ATXN10: variants seen among roughly 807,000 people sequenced by gnomAD.
ATXN10 encodes the protein ataxin-10.
In ATXN10, 28 loss-of-function variants were observed where a neutral mutation model predicts 52.9. The observed-to-expected ratio is 0.53, with a 90% CI of 0.39 to 0.73. The LOEUF is 0.73. Among genes scored for constraint, ATXN10 ranks in the 30% least tolerant of loss-of-function variants. The pLI, the probability that ATXN10 is intolerant of heterozygous loss-of-function variation, is 0.00. For synonymous variants in ATXN10, 226 were observed against 221.5 expected (o/e 1.02, Z -0.18); for missense variants, 565 against 577.0 (o/e 0.98, Z 0.21).
chr22:45,827,094 T>G (rs529897165), intron 10 of ATXN10, among the ~76,000 whole-genome samples: 1 of 151,742 alleles, frequency 6.6e-6, no homozygotes, highest in Admixed American at 6.6e-5. Context: ...TAGAGTATTA[T>G]AACTTTCGAA....
rs1601634827 is a variant in ATXN10 at position 45,769,669 on chromosome 22, C to T, written c.1173+29131C>T. Reference sequence around the variant, plus strand: ...TTGGTCAAGAAAAGAAGACCAAGGCCGATTCCCTAGGACCTTGAAGCCAGC... The same window carrying T: ...TTGGTCAAGAAAAGAAGACCAAGGCTGATTCCCTAGGACCTTGAAGCCAGC... On this transcript the variant is annotated intron_variant, in intron 9 of 11. Coordinates refer to ENST00000252934, the MANE Select transcript of ATXN10 (RefSeq NM_013236.4). The surrounding 1 kb of genome is among the most constrained non-coding windows in gnomAD (Gnocchi z 4.2). Among the ~76,000 whole-genome samples, 2 of 152,142 alleles carry T rather than the reference C, an allele frequency of 1.3e-5. No homozygotes were observed. Among genetic ancestry groups the T allele is most frequent in the South Asian group, 2.1e-4 (1 of 4,818 alleles).
At position 45,679,809 on chromosome 22, in the gene ATXN10, A is replaced by G. The variant is rs1051655836; in HGVS notation, c.116+7630A>G. 77 of 152,242 alleles carry G rather than the reference A, an allele frequency of 5.1e-4. 1 individual carries two copies. The highest frequency in any genetic ancestry group is 2.1e-4 in the South Asian group (1 of 4,832). The allele number at this position is 152,242 out of a possible 1,614,324, so 9.4% of individuals were successfully genotyped here. On this transcript the variant is annotated intron_variant, in intron 1 of 11. Coordinates refer to ENST00000252934, the MANE Select transcript of ATXN10 (RefSeq NM_013236.4). Reference sequence around the variant, plus strand: ...GAATGCTACATGGAATTGTTTGGTAAGGTGTTCTGACTCAGCTTCAAAATA... The same window carrying G: ...GAATGCTACATGGAATTGTTTGGTAGGGTGTTCTGACTCAGCTTCAAAATA...
chr22:45,687,313 A>G (rs561619347), intron 1 of ATXN10, among the ~76,000 whole-genome samples: 1 of 152,314 alleles, frequency 6.6e-6, no homozygotes, highest in East Asian at 1.9e-4. Context: ...AGTCTGTACC[A>G]TAGTTTGATT....
rs1388133850 is a variant in ATXN10, at chr22:45,672,206, C to T, written c.116+27C>T. On this transcript the variant is annotated intron_variant, in intron 1 of 11. Transcript: ENST00000252934. ...TAACGGGTCCGGCCGGGGGGCTGCCCCGGGCAGGGGAGGGCGGCCGGGACT... is the reference window on the plus strand; with the variant it reads ...TAACGGGTCCGGCCGGGGGGCTGCCTCGGGCAGGGGAGGGCGGCCGGGACT... 4.6e-6 allele frequency: 7 copies of T among 1,511,910 alleles called. No individual in the cohort carries two copies. In the African/African-American group the frequency reaches 5.7e-5, roughly 12 times the overall value. The allele number at this position is 1,511,910 out of a possible 1,614,324, so 93.7% of individuals were successfully genotyped here.
At chr22:45,721,706 C>G (rs1924658083) in intron 6 of ATXN10, among the ~76,000 whole-genome samples, 1 of 152,152 alleles carries the variant, frequency 6.6e-6, no homozygotes, top group Non-Finnish European at 1.5e-5. Flanking sequence ...ATAGAAGGCA[C>G]CATGTAGCCC....
chr22:45,819,423 C>G lies in ATXN10; in HGVS notation c.1237+12401C>G, dbSNP rs916665819. Among the ~76,000 whole-genome samples the G allele has an allele frequency of 1.3e-5, 2 of 152,206 alleles. No individual in the cohort carries two copies. Among genetic ancestry groups the G allele is most frequent in the Admixed American group, 6.5e-5 (1 of 15,284 alleles). On this transcript the variant is annotated intron_variant, in intron 10 of 11. Coordinates refer to ENST00000252934, the MANE Select transcript of ATXN10 (RefSeq NM_013236.4). The surrounding 1 kb of genome is among the most constrained non-coding windows in gnomAD (Gnocchi z 4.5). ...CACACTCTGATTCCACTGAGCCTGTCTCTGCACGGAACGAACACAAAGTTC... is the reference window on the plus strand; with the variant it reads ...CACACTCTGATTCCACTGAGCCTGTGTCTGCACGGAACGAACACAAAGTTC...
intron 1 of ATXN10, chr22:45,680,215 A>G (rs1210534511): frequency 6.6e-6 from 1 of 152,248 alleles, no homozygotes; most frequent in Non-Finnish European, 1.5e-5. Flanking sequence ...TGTACTGCTT[A>G]GAACAGTGTC....
intron 6 of ATXN10, among the ~76,000 whole-genome samples, chr22:45,723,139 G>T (rs1924724003): frequency 1.3e-5 from 2 of 151,534 alleles, no homozygotes; most frequent in Non-Finnish European, 1.5e-5. Context: ...GTGTGTGTGT[G>T]TTTATATATA....
chr22:45,802,372 C>G (rs1308058447), intron 9 of ATXN10, among the ~76,000 whole-genome samples: 1 of 152,176 alleles, frequency 6.6e-6, no homozygotes, highest in Non-Finnish European at 1.5e-5. Context: ...TCTCTCCTGC[C>G]CCAACATTAG....
Position 45,693,615 on chromosome 22 carries a change from C to T in ATXN10, c.391+537C>T, listed in dbSNP as rs115832157. Among the ~76,000 whole-genome samples, 712 of 152,294 alleles carry T rather than the reference C, an allele frequency of 4.7e-3. 6 individuals carry two copies. Among genetic ancestry groups the T allele is most frequent in the African/African-American group, 0.016 (666 of 41,554 alleles). ...TACTAGCAAGTTGGGGATTAGATTT[C>T]AGCATAGGAATTTCGGAGGGGCACA... On this transcript the variant is annotated intron_variant, in intron 3 of 11. Coordinates refer to ENST00000252934, the MANE Select transcript of ATXN10 (RefSeq NM_013236.4).
intron 10 of ATXN10, among the ~76,000 whole-genome samples, chr22:45,821,810 T>C (rs923428904): frequency 6.6e-6 from 1 of 152,186 alleles, no homozygotes; most frequent in African/African-American, 2.4e-5. Context: ...TTTTAAAACT[T>C]CTTGTTTTTA....
chr22:45,806,791 G>A (rs560607400), intron 9 of ATXN10, among the ~76,000 whole-genome samples, 168 bp from the exon 10 acceptor site: 3 of 151,836 alleles, frequency 2.0e-5, no homozygotes, highest in African/African-American at 7.2e-5. Flanking sequence ...ATCACTTTTT[G>A]TTTACATGTC....
At chr22:45,779,912 G>GA (rs34577605) in intron 9 of ATXN10, among the ~76,000 whole-genome samples, 51 of 150,952 alleles carry the variant, frequency 3.4e-4, no homozygotes, top group Admixed American at 1.2e-3. Context: ...ATGTGTTTCT[G>GA]AAAAAAAAAT....
Position 45,824,502 on chromosome 22 carries a change from C to A in ATXN10, c.1237+17480C>A, listed in dbSNP as rs1237169454. On this transcript the variant is annotated intron_variant, in intron 10 of 11. Transcript: ENST00000252934. This position sits in a 1 kb window ranked among gnomAD's most constrained non-coding sequence, Gnocchi z 5.2. ...TAGGCACCATCTCTGCTGTGTCCCC[C>A]TTCCATAGTGATTGTCTTTACTTTC... Among the ~76,000 whole-genome samples the A allele has an allele frequency of 1.3e-5, 2 of 152,196 alleles. No individual in the cohort carries two copies. The highest frequency in any genetic ancestry group is 4.8e-5 in the African/African-American group (2 of 41,434).
chr22:45,820,211 A>G lies in ATXN10; in HGVS notation c.1237+13189A>G, dbSNP rs1928602118. Among the ~76,000 whole-genome samples, 1 of 152,242 alleles carries G rather than the reference A, an allele frequency of 6.6e-6. No homozygotes were observed. Among genetic ancestry groups the G allele is most frequent in the Non-Finnish European group, 1.5e-5 (1 of 68,040 alleles). On this transcript the variant is annotated intron_variant, in intron 10 of 11. Transcript: ENST00000252934. This position sits in a 1 kb window ranked among gnomAD's most constrained non-coding sequence, Gnocchi z 4.9. ...CGAAGGAAAATCTCTAATGGGACTTATAAGCAGGCACTCATTTCCTTATCC... is the reference window on the plus strand; with the variant it reads ...CGAAGGAAAATCTCTAATGGGACTTGTAAGCAGGCACTCATTTCCTTATCC...
At position 45,838,148 on chromosome 22, in the gene ATXN10, A is replaced by G. The variant is rs368440768; in HGVS notation, c.1238-4843A>G. ...TGGCACATCAATCTGCTGGTTATTA[A>G]TACCCTTACTGTGGATTGTTTTTCT... is the stretch of plus-strand genomic sequence containing the variant. On this transcript the variant is annotated intron_variant, in intron 10 of 11. Transcript: ENST00000252934. 2.8e-4 allele frequency among the ~76,000 whole-genome samples: 42 copies of G among 152,334 alleles called. No homozygotes were observed. The East Asian group carries it at 5.8e-3, about 21-fold the overall frequency.
intron 9 of ATXN10, among the ~76,000 whole-genome samples, chr22:45,799,028 T>G (rs1379731050): frequency 1.3e-5 from 2 of 151,992 alleles, no homozygotes; most frequent in Non-Finnish European, 2.9e-5. Context: ...CAAGTTGACC[T>G]CTATAGAGTG....
At position 45,702,798 on chromosome 22, in the gene ATXN10, G is replaced by C. The variant is rs775478466; in HGVS notation, c.598G>C (p.Ala200Pro). 6.2e-7 allele frequency: 1 copy of C among 1,613,930 alleles called. No individual in the cohort carries two copies. The highest frequency in any genetic ancestry group is 8.5e-7 in the Non-Finnish European group (1 of 1,179,948). ...AGAACTGGAGGAGAACCTCAATATT[G>C]CAATTGATGTCATAGATGCTTACCA... Reference protein sequence around the residue: ...MKELEENLNIAIDVIDAYQKH... With the variant: ...MKELEENLNIPIDVIDAYQKH... The change falls in exon 5 of 12, where the codon GCA becomes CCA. Residue 200 changes from alanine (A) to proline (P), a missense_variant. Coordinates refer to ENST00000252934, the MANE Select transcript of ATXN10 (RefSeq NM_013236.4).
chr22:45,779,611 T>C (rs1166604718), intron 9 of ATXN10, among the ~76,000 whole-genome samples: 1 of 152,238 alleles, frequency 6.6e-6, no homozygotes, highest in Non-Finnish European at 1.5e-5. Flanking sequence ...GTGGTGTTTA[T>C]GTAGTATCCT....
Sources: allele counts gnomAD v4.1 joint callset (sites outside exome capture counted in the v4.1 genomes callset), GRCh38; gene constraint gnomAD v4.1.1; non-coding constraint Gnocchi (gnomAD v3.1); transcripts MANE v1.5; gene names NCBI Gene and HGNC (gene_info 2026-07-23, HGNC 2026-07-21).